Variants in ATP6V1H observed in about 807,000 individuals in gnomAD.
The protein encoded by ATP6V1H is V-type proton ATPase subunit H.
A neutral mutation model predicts 71.7 loss-of-function variants in ATP6V1H; 39 were observed. The ratio of observed to expected loss-of-function variants is 0.54; its 90% confidence interval spans 0.42 to 0.71. The LOEUF (loss-of-function observed/expected upper bound fraction) is 0.71. Among genes scored for constraint, ATP6V1H ranks in the 30% least tolerant of loss-of-function variants. The probability of loss-of-function intolerance (pLI) is 0.00; values close to 1 mark genes in which losing one functional copy is unlikely to be tolerated. For synonymous variants in ATP6V1H, 192 were observed against 199.3 expected (o/e 0.96, Z 0.31); for missense variants, 509 against 594.9 (o/e 0.86, Z 1.50).
At chr8:53,832,029 G>T (rs1269532805) in intron 3 of ATP6V1H, 1 of 151,932 alleles carries the variant, frequency 6.6e-6, no homozygotes, top group Non-Finnish European at 1.5e-5. Flanking sequence ...CCATTAAATG[G>T]AAAATTACAC....
In ATP6V1H at chr8:53,819,547, CATATATATATATATATAT is replaced by C. The variant is rs34645455; in HGVS notation, c.307-2035_307-2018del. On this transcript the variant is annotated intron_variant, in intron 4 of 13. Coordinates refer to ENST00000359530, the MANE Select transcript of ATP6V1H (RefSeq NM_015941.4). The stretch of plus-strand genomic sequence containing the variant: ...AATCTATCTCAAAAAAAAAAAAAAG[CATATATATATATATATAT>C]ATATATATATATATATATATAAAAT... Among the ~76,000 whole-genome samples, 82 of 35,132 alleles carry C rather than the reference CATATATATATATATATAT, an allele frequency of 2.3e-3. 7 individuals are homozygous for C. The highest frequency in any genetic ancestry group is 8.0e-3 in the South Asian group (5 of 628). 23.0% of individuals were successfully genotyped at this position (35,132 alleles called of 152,430 possible).
At chr8:53,790,800 G>A (rs1214935081) in intron 9 of ATP6V1H, among the ~76,000 whole-genome samples, 1 of 152,174 alleles carries the variant, frequency 6.6e-6, no homozygotes, top group East Asian at 1.9e-4. Flanking sequence ...AATTCATCCA[G>A]AGTTGAAGCC....
At chr8:53,804,915 A>G (rs779767435) in intron 7 of ATP6V1H, among the ~76,000 whole-genome samples, 2 of 152,220 alleles carry the variant, frequency 1.3e-5, no homozygotes, top group Non-Finnish European at 2.9e-5. Context: ...CTCTTACTAT[A>G]TTACAGTGAA....
At chr8:53,741,262 T>C (rs1005222913) in intron 13 of ATP6V1H, among the ~76,000 whole-genome samples, 10 of 152,146 alleles carry the variant, frequency 6.6e-5, no homozygotes, top group African/African-American at 1.9e-4. Flanking sequence ...ACAAAAATTC[T>C]CAACTAAAAA....
intron 8 of ATP6V1H, among the ~76,000 whole-genome samples, chr8:53,798,401 G>A (rs886501973): frequency 7.2e-5 from 11 of 152,002 alleles, no homozygotes; most frequent in African/African-American, 2.7e-4. Context: ...ACGCACACTT[G>A]TAATCCTAGC....
At chr8:53,738,296 C>CAAA (rs59924832) in intron 13 of ATP6V1H, among the ~76,000 whole-genome samples, 2,318 of 100,698 alleles carry the variant, frequency 0.023, 55 homozygotes, top group African/African-American at 0.053. Flanking sequence ...GACTCTGCCT[C>CAAA]AAAAAAAAAA....
At chr8:53,782,047 C>T (rs540413837) in intron 9 of ATP6V1H, among the ~76,000 whole-genome samples, 6 of 152,200 alleles carry the variant, frequency 3.9e-5, no homozygotes, top group Non-Finnish European at 7.4e-5. Context: ...TCCATATGAA[C>T]GTTAAAGTAG....
At chr8:53,840,248 A>G (rs1227165625) in intron 2 of ATP6V1H, among the ~76,000 whole-genome samples, 1 of 152,320 alleles carries the variant, frequency 6.6e-6, no homozygotes, top group East Asian at 1.9e-4. Flanking sequence ...CTGTAATCCC[A>G]GCACTTTGGG....
At chr8:53,785,505 A>C (rs1259109495) in intron 9 of ATP6V1H, among the ~76,000 whole-genome samples, 3 of 152,106 alleles carry the variant, frequency 2.0e-5, no homozygotes, top group Non-Finnish European at 4.4e-5. Flanking sequence ...AGCTCGGAGT[A>C]GTTCGATCTT....
intron 12 of ATP6V1H, among the ~76,000 whole-genome samples, chr8:53,755,729 TATATATATA>T (rs1808020989): frequency 1.4e-4 from 1 of 7,372 alleles, no homozygotes; most frequent in Non-Finnish European, 2.3e-4. Flanking sequence ...TATATATATA[TATATATATA>T]TATATATTTT....
intron 13 of ATP6V1H, among the ~76,000 whole-genome samples, chr8:53,732,086 A>ACTTTGG (rs1315706645): frequency 2.0e-5 from 3 of 152,180 alleles, no homozygotes; most frequent in Non-Finnish European, 4.4e-5. Flanking sequence ...CTTTATTGGC[A>ACTTTGG]CTTTGGTTTT....
In ATP6V1H at chr8:53,781,255, T is replaced by C. The variant is rs1156836471; in HGVS notation, c.871-9088A>G. Reference sequence around the variant, plus strand: ...ATTCTAACTGGTGTGAGATGGTATCTCACTGTGGTTTTGATTTGCATTTCT... The same window carrying C: ...ATTCTAACTGGTGTGAGATGGTATCCCACTGTGGTTTTGATTTGCATTTCT... On this transcript the variant is annotated intron_variant, in intron 9 of 13. Transcript: ENST00000359530. Among the ~76,000 whole-genome samples the C allele has an allele frequency of 3.9e-5, 6 of 152,226 alleles. No homozygotes were observed. The South Asian group carries it at 1.0e-3, about 26-fold the overall frequency.
At chr8:53,816,887 A>C (rs992242850) in intron 5 of ATP6V1H, among the ~76,000 whole-genome samples, 10 of 152,208 alleles carry the variant, frequency 6.6e-5, no homozygotes, top group Non-Finnish European at 4.4e-5. Flanking sequence ...TCAAAGTAAA[A>C]TTTAATTTCT....
chr8:53,721,206 T>C (rs965110937), intron 13 of ATP6V1H, among the ~76,000 whole-genome samples: 5 of 152,202 alleles, frequency 3.3e-5, no homozygotes, highest in Admixed American at 1.3e-4. Flanking sequence ...AGTTTAGTTA[T>C]AAATTTAGCG....
chr8:53,781,948 G>T lies in ATP6V1H; in HGVS notation c.871-9781C>A, dbSNP rs550510134. Reference sequence around the variant, plus strand: ...ATGCTGTTTTGGTTACTATAGCCTTGTAGTATAGTTTGAAGTCAGGTAGCA... The same window carrying T: ...ATGCTGTTTTGGTTACTATAGCCTTTTAGTATAGTTTGAAGTCAGGTAGCA... On this transcript the variant is annotated intron_variant, in intron 9 of 13. Coordinates refer to ENST00000359530, the MANE Select transcript of ATP6V1H (RefSeq NM_015941.4). Among the ~76,000 whole-genome samples, 6 of 152,324 alleles carry T rather than the reference G, an allele frequency of 3.9e-5. No individual in the cohort carries two copies. In the East Asian group the frequency reaches 1.2e-3, roughly 29 times the overall value.
chr8:53,716,720 TC>T lies in ATP6V1H; in HGVS notation c.1392-697del, dbSNP rs554830779. Among the ~76,000 whole-genome samples, 311 of 152,294 alleles carry T rather than the reference TC, an allele frequency of 2.0e-3. 1 individual carries two copies. Among genetic ancestry groups the T allele is most frequent in the African/African-American group, 7.0e-3 (292 of 41,556 alleles). On this transcript the variant is annotated intron_variant, in intron 13 of 13. Coordinates refer to ENST00000359530, the MANE Select transcript of ATP6V1H (RefSeq NM_015941.4). ...GTGGTCCCCAATCCTTTTAGAGCAC[TC>T]TCATTCAGAAAATAAGCATGTGCCC... is the stretch of plus-strand genomic sequence containing the variant.
At chr8:53,823,996 A>AG (rs963333126) in intron 4 of ATP6V1H, among the ~76,000 whole-genome samples, 2 of 151,838 alleles carry the variant, frequency 1.3e-5, no homozygotes, top group African/African-American at 4.8e-5. Flanking sequence ...TGGTTAATCA[A>AG]GAAAAAAAAA....
intron 12 of ATP6V1H, among the ~76,000 whole-genome samples, chr8:53,754,988 G>C (rs1221678569): frequency 6.6e-6 from 1 of 152,168 alleles, no homozygotes; most frequent in African/African-American, 2.4e-5. Flanking sequence ...TTGCTTAGGG[G>C]GTGCAGGGGC....
At chr8:53,740,615 CA>C (rs1329738226) in intron 13 of ATP6V1H, among the ~76,000 whole-genome samples, 3 of 152,012 alleles carry the variant, frequency 2.0e-5, no homozygotes, top group Non-Finnish European at 4.4e-5. Flanking sequence ...GAAAAGAAAA[CA>C]ATTTAGAGAA....
Sources: allele counts gnomAD v4.1 joint callset (sites outside exome capture counted in the v4.1 genomes callset), GRCh38; gene constraint gnomAD v4.1.1; transcripts MANE v1.5; gene names NCBI Gene and HGNC (gene_info 2026-07-23, HGNC 2026-07-21).